Variants in TSTD2 observed in about 807,000 individuals in gnomAD.
TSTD2 encodes the protein thiosulfate sulfurtransferase like domain containing 2.
A neutral mutation model predicts 47.9 loss-of-function variants in TSTD2; 37 were observed. That is an observed-to-expected ratio of 0.77 (90% confidence interval 0.59 to 1.02). TSTD2 has a LOEUF of 1.02. Among genes scored for constraint, TSTD2 ranks in the 50% least tolerant of loss-of-function variants. The pLI, the probability that TSTD2 is intolerant of heterozygous loss-of-function variation, is 0.00. For synonymous variants in TSTD2, 201 were observed against 215.9 expected (o/e 0.93, Z 0.61); for missense variants, 586 against 616.0 (o/e 0.95, Z 0.52).
chr9:97,611,349 T>G (rs923389375), intron 5 of TSTD2, among the ~76,000 whole-genome samples: 1 of 151,662 alleles, frequency 6.6e-6, no homozygotes, highest in Non-Finnish European at 1.5e-5. Context: ...CCAGGGAGGT[T>G]GAGGCTGCAG....
rs117168809 is a variant in TSTD2 at position 97,617,325 on chromosome 9, A to G, written c.603+432T>C. On this transcript the variant is annotated intron_variant, in intron 4 of 9. Coordinates refer to ENST00000341170, the MANE Select transcript of TSTD2 (RefSeq NM_139246.5). ...GAAAATTAAGAAGCAACTTGGAATC[A>G]CACCTCTATGTTCTATAAAATGTTT... is the stretch of plus-strand genomic sequence containing the variant. 5.8e-3 allele frequency among the ~76,000 whole-genome samples: 889 copies of G among 152,340 alleles called. 4 individuals are homozygous for G. The highest frequency in any genetic ancestry group is 0.016 in the Admixed American group (242 of 15,304).
At chr9:97,627,317 G>C (rs1587984654) in intron 2 of TSTD2, 81 bp downstream of exon 2, 3 of 1,499,092 alleles carry the variant, frequency 2.0e-6, no homozygotes, top group East Asian at 4.6e-5. Flanking sequence ...TTGAGCTGGA[G>C]AGCAACCTTG....
intron 1 of TSTD2, among the ~76,000 whole-genome samples, chr9:97,632,349 G>A (rs1826838384): frequency 6.6e-6 from 1 of 151,984 alleles, no homozygotes; most frequent in African/African-American, 2.4e-5. Flanking sequence ...ACAGGCCATG[G>A]CATGGAGTGT....
In TSTD2 at chr9:97,604,866, C is replaced by T; in HGVS notation, c.1114-1G>A. The stretch of plus-strand genomic sequence containing the variant: ...GCTGGAACACCTCCTTGCACACTCC[C>T]TAGGTGTGGAAAAACAACAGGAAAT... On this transcript the variant is annotated splice_acceptor_variant, in intron 8 of 9. Coordinates refer to ENST00000341170, the MANE Select transcript of TSTD2 (RefSeq NM_139246.5). LOFTEE classifies it high-confidence loss of function. The T allele has an allele frequency of 6.2e-7, 1 of 1,612,992 alleles. No individual in the cohort carries two copies. Among genetic ancestry groups the T allele is most frequent in the Non-Finnish European group, 8.5e-7 (1 of 1,179,530 alleles).
At chr9:97,625,410 A>G (rs1043949635) in intron 3 of TSTD2, among the ~76,000 whole-genome samples, 8 of 152,100 alleles carry the variant, frequency 5.3e-5, no homozygotes, top group African/African-American at 1.9e-4. Context: ...CTTTCTGTGG[A>G]TATGTTTTTA....
At chr9:97,609,471 T>C (rs1192811566) in intron 6 of TSTD2, among the ~76,000 whole-genome samples, 3 of 152,128 alleles carry the variant, frequency 2.0e-5, no homozygotes, top group East Asian at 1.9e-4. Context: ...AATCTATAGG[T>C]TGAAAGACAC....
At chr9:97,606,046 C>CA in intron 7 of TSTD2, 97 bp downstream of exon 7, 2 of 907,776 alleles carry the variant, frequency 2.2e-6, no homozygotes, top group South Asian at 2.8e-5. Flanking sequence ...CATGTGGCCA[C>CA]AGGTGGGCAC....
At chr9:97,603,378 C>G (rs1394101655) in intron 9 of TSTD2, among the ~76,000 whole-genome samples, 2 of 152,182 alleles carry the variant, frequency 1.3e-5, no homozygotes, top group Admixed American at 6.5e-5. Context: ...TAAGCTACCT[C>G]TGAGCCTTCC....
intron 1 of TSTD2, among the ~76,000 whole-genome samples, chr9:97,628,286 G>A (rs1426890274): frequency 6.6e-6 from 1 of 152,188 alleles, no homozygotes; most frequent in Non-Finnish European, 1.5e-5. Context: ...ATCATACCAT[G>A]TTGGTTCTTT....
intron 4 of TSTD2, among the ~76,000 whole-genome samples, chr9:97,612,390 G>T (rs936382587): frequency 6.6e-6 from 1 of 152,204 alleles, no homozygotes; most frequent in Admixed American, 6.5e-5. Flanking sequence ...TCGAATGATA[G>T]TTCTGTCTTT....
At chr9:97,629,826 T>G (rs59791764) in intron 1 of TSTD2, among the ~76,000 whole-genome samples, 17,892 of 152,064 alleles carry the variant, frequency 0.12, 3,008 homozygotes, top group African/African-American at 0.37. Flanking sequence ...TAGAAACAGA[T>G]AACTTATTTA....
intron 1 of TSTD2, among the ~76,000 whole-genome samples, chr9:97,632,652 T>A (rs548730382): frequency 1.3e-5 from 2 of 152,056 alleles, no homozygotes; most frequent in East Asian, 3.9e-4. Context: ...CCCATAAGTG[T>A]TAGGATTACA....
At chr9:97,606,834 T>TCTAATA (rs1359283592) in intron 6 of TSTD2, among the ~76,000 whole-genome samples, 1 of 152,074 alleles carries the variant, frequency 6.6e-6, no homozygotes, top group East Asian at 1.9e-4. Flanking sequence ...GAAGAATGTG[T>TCTAATA]CTAAGTGTGT....
At chr9:97,621,499 T>C (rs1011632966) in intron 3 of TSTD2, among the ~76,000 whole-genome samples, 1 of 152,184 alleles carries the variant, frequency 6.6e-6, no homozygotes. Flanking sequence ...TTTTTCTTAT[T>C]GAAGAAAATG....
rs1826281193 is a variant in TSTD2, at chr9:97,602,552, T to G, written c.1468A>C (p.Arg490=). ...TGTCGCACATGCTGCAAGAGTTCCC[T>G]AGGTATGCGTGGCCGTCGGGCTGTG... The part of the protein sequence containing the change: ...ECTARRPRIP[R]ELLQHVRQPV... The change falls in exon 10 of 10, where the codon AGG becomes CGG. Residue 490 remains arginine (R), a synonymous_variant. Transcript: ENST00000341170. 1.9e-6 allele frequency: 3 copies of G among 1,614,218 alleles called. No individual in the cohort carries two copies. Among genetic ancestry groups the G allele is most frequent in the Non-Finnish European group, 2.5e-6 (3 of 1,180,032 alleles).
chr9:97,621,851 G>A (rs1386172833), intron 3 of TSTD2, among the ~76,000 whole-genome samples: 1 of 152,060 alleles, frequency 6.6e-6, no homozygotes, highest in East Asian at 1.9e-4. Flanking sequence ...TTCTGCCCTT[G>A]TTATCTTTTT....
intron 6 of TSTD2, among the ~76,000 whole-genome samples, chr9:97,609,611 G>T (rs1291888401): frequency 6.6e-6 from 1 of 152,106 alleles, no homozygotes; most frequent in African/African-American, 2.4e-5. Context: ...AATTTATTAA[G>T]GAATCAGTTA....
At chr9:97,604,556 G>C (rs924132852) in intron 9 of TSTD2, 171 bp downstream of exon 9, 22 of 1,000,882 alleles carry the variant, frequency 2.2e-5, no homozygotes, top group Admixed American at 1.8e-4. Flanking sequence ...CCTGGGCTAG[G>C]GTTCTCTCAG....
chr9:97,610,272 T>C (rs757208610), intron 6 of TSTD2, 74 bp downstream of exon 6: 4 of 1,344,176 alleles, frequency 3.0e-6, no homozygotes, highest in South Asian at 1.3e-5. Flanking sequence ...CTGATCACAG[T>C]GCCTAGCTTT....
Sources: allele counts gnomAD v4.1 joint callset (sites outside exome capture counted in the v4.1 genomes callset), GRCh38; gene constraint gnomAD v4.1.1; transcripts MANE v1.5; gene names NCBI Gene and HGNC (gene_info 2026-07-23, HGNC 2026-07-21).